SLC39A11: variants seen among roughly 807,000 people sequenced by gnomAD.
SLC39A11 encodes the protein solute carrier family 39 member 11.
In SLC39A11, 33 loss-of-function variants were observed where a neutral mutation model predicts 36.1. The ratio of observed to expected loss-of-function variants is 0.91; its 90% CI spans 0.69 to 1.22. The LOEUF is 1.22. SLC39A11 is among the 50% of genes most tolerant of loss of function. The pLI, the probability that SLC39A11 is intolerant of heterozygous loss-of-function variation, is 0.00. For missense variants in SLC39A11, 432 were observed against 430.3 expected (o/e 1.00, Z -0.03); for synonymous variants, 166 against 170.3 (o/e 0.97, Z 0.20).
In SLC39A11 at chr17:72,724,879, C is replaced by G. The variant is rs976001690; in HGVS notation, c.671+11771G>C. On this transcript the variant is annotated intron_variant, in intron 7 of 9. Coordinates refer to ENST00000255559, the MANE Select transcript of SLC39A11 (RefSeq NM_139177.4). ...AGCCCACCAGTCCTACAAATTCAAG[C>G]CTGTTTTCCCAGTTGCAGTTGATGA... Among the ~76,000 whole-genome samples the G allele has an allele frequency of 9.2e-5, 14 of 152,136 alleles. No individual in the cohort carries two copies. In the South Asian group the frequency reaches 2.5e-3, roughly 27 times the overall value.
chr17:72,766,157 A>C (rs918428703), intron 6 of SLC39A11, among the ~76,000 whole-genome samples: 1 of 152,100 alleles, frequency 6.6e-6, no homozygotes, highest in African/African-American at 2.4e-5. Context: ...GAGGGTGAGA[A>C]TGACACCTAC....
intron 7 of SLC39A11, among the ~76,000 whole-genome samples, chr17:72,659,108 A>G (rs2070289466): frequency 6.6e-6 from 1 of 152,208 alleles, no homozygotes; most frequent in Admixed American, 6.5e-5. Context: ...GTCACTCCAG[A>G]GTCAACCGCT....
At chr17:72,872,518 C>T (rs1426866491) in intron 5 of SLC39A11, among the ~76,000 whole-genome samples, 1 of 152,172 alleles carries the variant, frequency 6.6e-6, no homozygotes, top group Admixed American at 6.5e-5. Flanking sequence ...CACCGAAAAG[C>T]TGATGAAACT....
intron 3 of SLC39A11, among the ~76,000 whole-genome samples, chr17:73,060,659 T>C (rs1213102709): frequency 6.7e-6 from 1 of 149,716 alleles, no homozygotes; most frequent in African/African-American, 2.4e-5. Context: ...GGGGAGATAT[T>C]ATACGAATTA....
In SLC39A11 at chr17:72,904,773, C is replaced by T. The variant is rs1042153141; in HGVS notation, c.430+42979G>A. ...CCTTGTGATATAAGTGATTCTCTCA[C>T]AAATGTGGTCCCCGAAGGTGGGCAG... On this transcript the variant is annotated intron_variant, in intron 5 of 9. Transcript: ENST00000255559. 2.6e-5 allele frequency among the ~76,000 whole-genome samples: 4 copies of T among 152,314 alleles called. No individual in the cohort carries two copies. The South Asian group carries it at 6.2e-4, about 24-fold the overall frequency.
At chr17:72,886,118 C>T (rs957948640) in intron 5 of SLC39A11, among the ~76,000 whole-genome samples, 6 of 152,346 alleles carry the variant, frequency 3.9e-5, no homozygotes, top group South Asian at 4.1e-4. Flanking sequence ...GCTCAGTTCC[C>T]TCTGCTGGAT....
chr17:72,901,110 A>G (rs1349590527), intron 5 of SLC39A11, among the ~76,000 whole-genome samples: 1 of 152,238 alleles, frequency 6.6e-6, no homozygotes, highest in African/African-American at 2.4e-5. Context: ...GTCCAAGTGA[A>G]GTCAGAGAGA....
intron 3 of SLC39A11, among the ~76,000 whole-genome samples, chr17:73,045,570 T>TA (rs2059259013): frequency 6.6e-6 from 1 of 152,112 alleles, no homozygotes; most frequent in African/African-American, 2.4e-5. Context: ...ACACCTAATG[T>TA]AAGACTGCTG....
intron 4 of SLC39A11, among the ~76,000 whole-genome samples, chr17:73,031,332 T>C (rs2058732891): frequency 6.6e-6 from 1 of 152,154 alleles, no homozygotes. Context: ...AATGTGACAT[T>C]CAAAATCCGA....
chr17:72,667,224 C>T (rs1455997673), intron 7 of SLC39A11, among the ~76,000 whole-genome samples: 1 of 152,140 alleles, frequency 6.6e-6, no homozygotes, highest in East Asian at 1.9e-4. Flanking sequence ...AAGTCTAGCC[C>T]TGGACCCTCA....
At chr17:73,042,683 C>A (rs1418798400) in intron 3 of SLC39A11, among the ~76,000 whole-genome samples, 1 of 152,148 alleles carries the variant, frequency 6.6e-6, no homozygotes, top group Non-Finnish European at 1.5e-5. Flanking sequence ...CACCTGTAAT[C>A]TCAGCTACTT....
At chr17:72,897,596 G>A (rs2082096268) in intron 5 of SLC39A11, among the ~76,000 whole-genome samples, 1 of 152,184 alleles carries the variant, frequency 6.6e-6, no homozygotes, top group Non-Finnish European at 1.5e-5. Flanking sequence ...GATGAGCTGA[G>A]TTTGAAGAAA....
chr17:72,951,084 A>G (rs543227988), intron 4 of SLC39A11, among the ~76,000 whole-genome samples: 1 of 138,062 alleles, frequency 7.2e-6, no homozygotes, highest in East Asian at 2.5e-4. Flanking sequence ...CAACATAGTG[A>G]GGCCCCATTT....
intron 4 of SLC39A11, among the ~76,000 whole-genome samples, chr17:72,980,741 G>A (rs2088238043): frequency 6.6e-6 from 1 of 152,114 alleles, no homozygotes; most frequent in African/African-American, 2.4e-5. Flanking sequence ...AATAGAATGT[G>A]AGGCTGGGCA....
intron 5 of SLC39A11, among the ~76,000 whole-genome samples, chr17:72,939,668 C>T (rs1360479426): frequency 6.6e-6 from 1 of 152,096 alleles, no homozygotes; most frequent in Non-Finnish European, 1.5e-5. Context: ...ATTGATGCAG[C>T]TACAAGCCAG....
chr17:72,893,171 T>C (rs1308943417), intron 5 of SLC39A11, among the ~76,000 whole-genome samples: 3 of 152,096 alleles, frequency 2.0e-5, no homozygotes, highest in Non-Finnish European at 4.4e-5. Context: ...AATGAAAACA[T>C]ATGGACCAGG....
intron 3 of SLC39A11, among the ~76,000 whole-genome samples, chr17:73,079,188 C>T (rs1366363402): frequency 1.3e-5 from 2 of 152,116 alleles, no homozygotes; most frequent in African/African-American, 2.4e-5. Flanking sequence ...ACCTCTGCCT[C>T]CCCGGTTCAA....
chr17:72,785,446 G>T (rs2076477623), intron 6 of SLC39A11, among the ~76,000 whole-genome samples: 1 of 152,216 alleles, frequency 6.6e-6, no homozygotes, highest in African/African-American at 2.4e-5. Flanking sequence ...GGTGGTGAGG[G>T]AGCTCAGGAG....
chr17:73,044,119 C>T (rs922003359), intron 3 of SLC39A11, among the ~76,000 whole-genome samples: 8 of 151,854 alleles, frequency 5.3e-5, no homozygotes, highest in African/African-American at 1.9e-4. Flanking sequence ...CTTACAATCT[C>T]CAAACTAGGA....
Sources: allele counts gnomAD v4.1 joint callset (sites outside exome capture counted in the v4.1 genomes callset), GRCh38; gene constraint gnomAD v4.1.1; transcripts MANE v1.5; gene names NCBI Gene and HGNC (gene_info 2026-07-23, HGNC 2026-07-21).